The following USP53 variants were observed in gnomAD, a reference collection of about 807,000 sequenced individuals.
USP53 encodes the protein ubiquitin specific peptidase 53, also known as ubiquitin carboxyl-terminal hydrolase 53.
Under a neutral mutation model 94.9 loss-of-function variants are expected in USP53, and 71 were observed. That is an observed-to-expected ratio of 0.75 (90% confidence interval 0.62 to 0.91). The LOEUF is 0.91. Among genes scored for constraint, USP53 ranks in the 40% least tolerant of loss-of-function variants. The pLI, the probability that USP53 is intolerant of heterozygous loss-of-function variation, is 0.00. For synonymous variants in USP53, 375 were observed against 422.7 expected, an observed-to-expected ratio of 0.89 and a Z score of 1.39; for missense variants, 1,173 against 1,281.0, an observed-to-expected ratio of 0.92 and a Z score of 1.29.
intron 7 of USP53, among the ~76,000 whole-genome samples, chr4:119,252,861 G>A (rs183385568): frequency 3.9e-5 from 6 of 152,028 alleles, no homozygotes; most frequent in Non-Finnish European, 5.9e-5. Flanking sequence ...GCTTTCTCTC[G>A]TGGGCATTTC....
chr4:119,250,226 C>G (rs985586072), intron 7 of USP53, among the ~76,000 whole-genome samples: 5 of 152,104 alleles, frequency 3.3e-5, no homozygotes, highest in Non-Finnish European at 5.9e-5. Context: ...AGCCTTTGCT[C>G]AAGTTCCTGA....
intron 17 of USP53, among the ~76,000 whole-genome samples, chr4:119,287,865 A>G (rs981120892): frequency 2.0e-5 from 3 of 152,174 alleles, no homozygotes; most frequent in Admixed American, 6.5e-5. Flanking sequence ...TTTGGAGTGA[A>G]CCCTGGATTG....
rs371129416 is a variant in USP53 at position 119,272,002 on chromosome 4, T to A, written c.2142T>A (p.Asp714Glu). Residue 714 changes from aspartate to glutamate, a missense_variant, in exon 16 of 19, where the codon GAT (aspartate) becomes GAA (glutamate). Asp to Glu is a conservative substitution (Grantham distance 45, BLOSUM62 2). Transcript: ENST00000692078. ...PVIDGNGTVM[D>E]ISGVKETVCF... ...TCGATGGAAATGGTACAGTAATGGA[T>A]ATCAGTGGTGTTAAAGAAACAGTAT... is the stretch of plus-strand genomic sequence containing the variant. 1.2e-6 allele frequency: 2 copies of A among 1,603,042 alleles called. No homozygotes were observed. Among genetic ancestry groups the A allele is most frequent in the East Asian group, 4.5e-5 (2 of 44,810 alleles).
intron 3 of USP53, among the ~76,000 whole-genome samples, chr4:119,223,562 A>G (rs1744836650): frequency 6.6e-6 from 1 of 152,192 alleles, no homozygotes; most frequent in Non-Finnish European, 1.5e-5. Flanking sequence ...AGGTGACTTG[A>G]TAGAGGACAA....
At chr4:119,286,863 T>C (rs1169143436) in intron 17 of USP53, among the ~76,000 whole-genome samples, 1 of 152,036 alleles carries the variant, frequency 6.6e-6, no homozygotes, top group African/African-American at 2.4e-5. Context: ...GTTGAAAAGA[T>C]TGGCAAAGTT....
intron 17 of USP53, among the ~76,000 whole-genome samples, chr4:119,289,707 A>C (rs575205203): frequency 1.1e-3 from 165 of 152,316 alleles, no homozygotes; most frequent in African/African-American, 3.7e-3. Context: ...CTTTTCTATC[A>C]GTATATTGGT....
rs373810223 is a variant in USP53, at chr4:119,273,643, C to T, written c.2186C>T (p.Thr729Met). ...ATTTTATTTTCTAGTGACCAGATTACGACAAGCAACCTAAATAAAGAACGT... is the reference window on the plus strand; with the variant it reads ...ATTTTATTTTCTAGTGACCAGATTATGACAAGCAACCTAAATAAAGAACGT... ...KETVCFSDQI[T>M]TSNLNKERGD... The change falls in exon 17 of 19, where the codon ACG becomes ATG. Residue 729 changes from threonine (T) to methionine (M), a missense_variant. Transcript: ENST00000692078. 2.7e-5 allele frequency: 43 copies of T among 1,611,972 alleles called. No homozygotes were observed. The highest frequency in any genetic ancestry group is 1.3e-4 in the African/African-American group (10 of 74,714).
At chr4:119,289,162 G>T (rs1366848496) in intron 17 of USP53, among the ~76,000 whole-genome samples, 2 of 152,086 alleles carry the variant, frequency 1.3e-5, no homozygotes, top group South Asian at 2.1e-4. Flanking sequence ...AGTGCTTTAT[G>T]CATATTTCCC....
intron 6 of USP53, 57 bp downstream of exon 6, chr4:119,245,486 T>C: frequency 6.7e-7 from 1 of 1,484,606 alleles, no homozygotes; most frequent in South Asian, 1.1e-5. Context: ...AAAATTTAAG[T>C]TTGATATATT....
intron 3 of USP53, among the ~76,000 whole-genome samples, chr4:119,228,145 G>T (rs1745569178): frequency 6.6e-6 from 1 of 152,182 alleles, no homozygotes; most frequent in Non-Finnish European, 1.5e-5. Flanking sequence ...CTGTGCTCTG[G>T]ATCTTACAAG....
chr4:119,284,741 A>G (rs1406330692), intron 17 of USP53, among the ~76,000 whole-genome samples: 1 of 151,918 alleles, frequency 6.6e-6, no homozygotes, highest in African/African-American at 2.4e-5. Context: ...ACTTAAAAAT[A>G]GTTAGAATAA....
At chr4:119,228,199 C>A (rs966941755) in intron 3 of USP53, among the ~76,000 whole-genome samples, 1 of 152,148 alleles carries the variant, frequency 6.6e-6, no homozygotes, top group African/African-American at 2.4e-5. Flanking sequence ...TCTGGAGGCC[C>A]TAAGGAAGAA....
chr4:119,279,372 A>C (rs1466394888), intron 17 of USP53, among the ~76,000 whole-genome samples: 3 of 149,766 alleles, frequency 2.0e-5, no homozygotes, highest in Non-Finnish European at 4.4e-5. Flanking sequence ...GTGAGGTGTC[A>C]GTGTGCCCCT....
At chr4:119,248,660 T>C in intron 6 of USP53, 88 bp from the exon 7 acceptor site, 1 of 1,459,040 alleles carries the variant, frequency 6.9e-7, no homozygotes, top group Non-Finnish European at 9.2e-7. Flanking sequence ...CCAAGTATAG[T>C]GTTTTGAGTT....
chr4:119,259,588 T>G, intron 9 of USP53, among the ~76,000 whole-genome samples: 1 of 151,024 alleles, frequency 6.6e-6, no homozygotes, highest in Non-Finnish European at 1.5e-5. Flanking sequence ...TCCAAACATA[T>G]AATTTTGTGT....
rs149574713 is a variant in USP53, at chr4:119,262,214, T to C, written c.972+350T>C. Among the ~76,000 whole-genome samples the C allele has an allele frequency of 4.1e-3, 630 of 152,352 alleles. 3 individuals are homozygous for C. Among genetic ancestry groups the C allele is most frequent in the Non-Finnish European group, 7.3e-3 (496 of 68,032 alleles). ...TTTTGTGGATGATTCACAGTAGTTT[T>C]GTATAACTAGTGATGAAAATATGCT... On this transcript the variant is annotated intron_variant, in intron 12 of 18. Transcript: ENST00000692078.
chr4:119,277,587 G>A (rs1372551305), intron 17 of USP53, among the ~76,000 whole-genome samples: 1 of 116,712 alleles, frequency 8.6e-6, no homozygotes, highest in Non-Finnish European at 1.8e-5. Flanking sequence ...TTGATTTGGG[G>A]TGGAGAGTTC....
chr4:119,256,648 C>A, intron 9 of USP53, 125 bp downstream of exon 9: 1 of 974,950 alleles, frequency 1.0e-6, no homozygotes, highest in Non-Finnish European at 1.6e-6. Context: ...ACCAAGTATG[C>A]TGCTGTGAGA....
At chr4:119,230,934 A>G (rs1436730996) in intron 3 of USP53, among the ~76,000 whole-genome samples, 2 of 152,152 alleles carry the variant, frequency 1.3e-5, no homozygotes, top group African/African-American at 4.8e-5. Flanking sequence ...TACATGTTCC[A>G]TGAAGTCACT....
Sources: allele counts gnomAD v4.1 joint callset (sites outside exome capture counted in the v4.1 genomes callset), GRCh38; gene constraint gnomAD v4.1.1; transcripts MANE v1.5; gene names NCBI Gene and HGNC (gene_info 2026-07-23, HGNC 2026-07-21).